Variants in C2orf74 observed in about 807,000 individuals in gnomAD.
The protein encoded by C2orf74 is DPM1 ER membrane anchor 1.
C2orf74 carries 14 observed loss-of-function variants against 17.9 expected under a neutral mutation model. The observed-to-expected ratio is 0.78, with a 90% CI of 0.52 to 1.22. C2orf74 has a LOEUF of 1.22. Ranked by LOEUF, C2orf74 falls within the 50% of genes most tolerant of loss-of-function variation. The probability of loss-of-function intolerance (pLI) is 0.00; values close to 1 mark genes in which losing one functional copy is unlikely to be tolerated. For missense variants in C2orf74, 217 were observed against 218.4 expected (o/e 0.99, Z 0.04); for synonymous variants, 79 against 72.6 (o/e 1.09, Z -0.44).
chr2:61,163,333 G>A (rs890004892), intron 4 of C2orf74, 101 bp downstream of exon 4: 124 of 1,309,256 alleles, frequency 9.5e-5, no homozygotes, highest in Non-Finnish European at 1.3e-4. Flanking sequence ...TGGAGGACCG[G>A]GCGGGTGGCT....
chr2:61,146,302 C>T (rs1559172413), intron 1 of C2orf74, among the ~76,000 whole-genome samples: 1 of 152,134 alleles, frequency 6.6e-6, no homozygotes, highest in East Asian at 1.9e-4. Context: ...ATAAATTATG[C>T]TTTTTGTGTA....
chr2:61,148,133 TTA>T (rs1317759088), intron 1 of C2orf74, among the ~76,000 whole-genome samples: 1 of 147,924 alleles, frequency 6.8e-6, no homozygotes. Flanking sequence ...AATATATGTA[TTA>T]TATATAATAT....
intron 1 of C2orf74, among the ~76,000 whole-genome samples, chr2:61,146,520 T>A (rs890493318): frequency 3.3e-5 from 5 of 152,076 alleles, no homozygotes; most frequent in African/African-American, 7.2e-5. Flanking sequence ...TAACTTTTTT[T>A]AAAAAAGCTA....
At chr2:61,163,915 T>G (rs566370642) in intron 4 of C2orf74, among the ~76,000 whole-genome samples, 2 of 152,070 alleles carry the variant, frequency 1.3e-5, no homozygotes, top group Non-Finnish European at 2.9e-5. Context: ...GATGAATTGT[T>G]TACCTCTCCA....
intron 1 of C2orf74, among the ~76,000 whole-genome samples, chr2:61,153,976 C>T (rs1406282741): frequency 1.3e-5 from 2 of 152,076 alleles, no homozygotes; most frequent in Non-Finnish European, 2.9e-5. Context: ...CGATGGCTCA[C>T]GCCTGTAATC....
At chr2:61,163,558 C>T (rs1685637870) in intron 4 of C2orf74, among the ~76,000 whole-genome samples, 2 of 151,286 alleles carry the variant, frequency 1.3e-5, no homozygotes, top group African/African-American at 4.9e-5. Context: ...GAGCCAAGAT[C>T]GCCACTGCAC....
chr2:61,152,655 C>G (rs1685264780), intron 1 of C2orf74, among the ~76,000 whole-genome samples: 1 of 151,562 alleles, frequency 6.6e-6, no homozygotes, highest in Admixed American at 6.6e-5. Flanking sequence ...TCGAGATCAG[C>G]CTGGGCAACA....
At chr2:61,163,474 C>G (rs1445455768) in intron 4 of C2orf74, among the ~76,000 whole-genome samples, 4 of 151,864 alleles carry the variant, frequency 2.6e-5, no homozygotes, top group Admixed American at 1.3e-4. Context: ...CGTGGTGGCA[C>G]CCGCCTGTAA....
chr2:61,153,726 T>A (rs774528144), intron 1 of C2orf74, among the ~76,000 whole-genome samples: 41 of 149,560 alleles, frequency 2.7e-4, no homozygotes, highest in Non-Finnish European at 4.8e-4. Flanking sequence ...CCGTCTCCAC[T>A]AAAAATATAA....
chr2:61,156,460 A>G (rs1202571502), intron 1 of C2orf74, among the ~76,000 whole-genome samples: 1 of 152,226 alleles, frequency 6.6e-6, no homozygotes, highest in East Asian at 1.9e-4. Flanking sequence ...AGAATAAAAG[A>G]TAAAGAGCTA....
intron 1 of C2orf74, among the ~76,000 whole-genome samples, chr2:61,147,310 G>A (rs1388493589): frequency 2.0e-5 from 3 of 151,508 alleles, no homozygotes; most frequent in Non-Finnish European, 4.4e-5. Context: ...AGCGATCTGC[G>A]GGCCTCGGCT....
intron 1 of C2orf74, among the ~76,000 whole-genome samples, chr2:61,147,162 C>T (rs1255485730): frequency 6.6e-6 from 1 of 151,152 alleles, no homozygotes; most frequent in African/African-American, 2.4e-5. Context: ...GAGGAAGACT[C>T]TCAAAAAAAG....
intron 1 of C2orf74, among the ~76,000 whole-genome samples, chr2:61,154,220 G>A (rs1203972109): frequency 7.4e-6 from 1 of 134,980 alleles, no homozygotes; most frequent in Non-Finnish European, 1.6e-5. Flanking sequence ...GGCAATAAGA[G>A]CGAAATTCTG....
chr2:61,152,587 G>A (rs1234452395), intron 1 of C2orf74, among the ~76,000 whole-genome samples: 4 of 150,912 alleles, frequency 2.7e-5, no homozygotes, highest in African/African-American at 7.3e-5. Flanking sequence ...AGTGGCTCAC[G>A]CCTGTAATCC....
At chr2:61,160,451 C>T (rs763698421), upstream of C2orf74, among the ~76,000 whole-genome samples, 8 of 151,986 alleles carry the variant, frequency 5.3e-5, no homozygotes, top group African/African-American at 1.4e-4. Flanking sequence ...TGAGCCACTG[C>T]GCCCAGCCCG....
At chr2:61,149,368 C>T (rs1157482671) in intron 1 of C2orf74, among the ~76,000 whole-genome samples, 1 of 152,048 alleles carries the variant, frequency 6.6e-6, no homozygotes, top group Admixed American at 6.6e-5. Context: ...TGCAGACCTT[C>T]GTTCTATTCC....
upstream of C2orf74, chr2:61,161,861 T>A (rs980542739): frequency 6.6e-6 from 1 of 152,334 alleles, no homozygotes; most frequent in African/African-American, 2.4e-5. Flanking sequence ...TAGAGAGGGA[T>A]TTCATAAGAA....
chr2:61,148,749 C>T lies in C2orf74; in HGVS notation c.-122+3553C>T, dbSNP rs1025899300. Reference sequence around the variant, plus strand: ...TTTGTTTTTTTGAGATGGATCCTCGCCTTGTCACCCAGGCTGGAGTGCAAT... The same window carrying T: ...TTTGTTTTTTTGAGATGGATCCTCGTCTTGTCACCCAGGCTGGAGTGCAAT... On this transcript the variant is annotated intron_variant, in intron 1 of 3. Coordinates refer to the C2orf74 transcript ENST00000426997. Among the ~76,000 whole-genome samples, 4 of 151,790 alleles carry T rather than the reference C, an allele frequency of 2.6e-5. No individual in the cohort carries two copies. In the East Asian group the frequency reaches 7.8e-4, roughly 29 times the overall value.
chr2:61,162,874 A>T lies in C2orf74; in HGVS notation c.128A>T (p.Lys43Ile). ...GGCAGGAAAGGTAAAGAGACAAAGA[A>T]AGTGCCTTGTACAGATGCAAACGGA... is the stretch of plus-strand genomic sequence containing the variant. Reference protein sequence around the residue: ...FQGRKGKETKKVPCTDANGGV... With the variant: ...FQGRKGKETKIVPCTDANGGV... The change falls in exon 3 of 5, where the codon AAA becomes ATA. Residue 43 changes from lysine (K) to isoleucine (I), a missense_variant. By Grantham distance (102) the Lys-to-Ile change is moderately radical. Transcript: ENST00000432605. 4 of 1,552,480 alleles carry T rather than the reference A, an allele frequency of 2.6e-6. No homozygotes were observed. Among genetic ancestry groups the T allele is most frequent in the Non-Finnish European group, 3.5e-6 (4 of 1,147,122 alleles).
Sources: gnomAD v4.1 joint callset for allele counts (sites outside exome capture counted in the v4.1 genomes callset) on GRCh38, gnomAD v4.1.1 for gene constraint, MANE v1.5 for transcripts, NCBI Gene and HGNC (gene_info 2026-07-23, HGNC 2026-07-21) for gene names.